Variants in PTPRO observed in about 807,000 individuals in gnomAD.
PTPRO encodes protein tyrosine phosphatase receptor type O, also known as receptor-type tyrosine-protein phosphatase O.
In PTPRO, 62 loss-of-function variants were observed where a neutral mutation model predicts 145.2. The observed-to-expected ratio is 0.43, with a 90% CI of 0.35 to 0.53. The LOEUF (loss-of-function observed/expected upper bound fraction) is 0.53. Among genes scored for constraint, PTPRO ranks in the 20% least tolerant of loss-of-function variants. The probability of loss-of-function intolerance (pLI) is 0.01; values close to 1 mark genes in which losing one functional copy is unlikely to be tolerated. For synonymous variants in PTPRO, 565 were observed against 514.7 expected (o/e 1.10, Z -1.32); for missense variants, 1,345 against 1,482.7 (o/e 0.91, Z 1.53).
chr12:15,425,991 T>A lies in PTPRO; in HGVS notation c.76-57983T>A, dbSNP rs12227426. 7.4e-3 allele frequency among the ~76,000 whole-genome samples: 1,128 copies of A among 151,850 alleles called. 98 individuals carry two copies. In the East Asian group the frequency reaches 0.18, roughly 25 times the overall value. On this transcript the variant is annotated intron_variant, in intron 1 of 26. Coordinates refer to ENST00000281171, the MANE Select transcript of PTPRO (RefSeq NM_030667.3). ...GATTAAATATTGACTTGGGATGCAA[T>A]ATACTTATAAAATTAATTTGAAGAA...
intron 1 of PTPRO, among the ~76,000 whole-genome samples, chr12:15,332,594 T>A (rs181464967): frequency 1.1e-4 from 16 of 152,338 alleles, no homozygotes; most frequent in Admixed American, 9.1e-4. Flanking sequence ...ACCAATCAAC[T>A]TTGTTCAGTA....
At chr12:15,444,231 G>A (rs1291317697) in intron 1 of PTPRO, among the ~76,000 whole-genome samples, 1 of 151,982 alleles carries the variant, frequency 6.6e-6, no homozygotes, top group African/African-American at 2.4e-5. Context: ...ATTAACACAG[G>A]AACAGAAAAC....
chr12:15,388,555 C>A (rs1328643067), intron 1 of PTPRO, among the ~76,000 whole-genome samples: 1 of 152,022 alleles, frequency 6.6e-6, no homozygotes, highest in African/African-American at 2.4e-5. Flanking sequence ...GCAGAATAGA[C>A]CTTTAATTGG....
chr12:15,594,907 T>C, intron 25 of PTPRO, 30 bp from the exon 26 acceptor site: 2 of 1,506,680 alleles, frequency 1.3e-6, no homozygotes, highest in Non-Finnish European at 1.8e-6. Flanking sequence ...ACATGTCTGC[T>C]CTGAAACCTG....
At chr12:15,552,266 C>T (rs1202908878) in intron 15 of PTPRO, among the ~76,000 whole-genome samples, 3 of 152,214 alleles carry the variant, frequency 2.0e-5, no homozygotes, top group South Asian at 2.1e-4. Context: ...CATTGCTCAT[C>T]AGAGCACATT....
At chr12:15,376,770 A>AGGGTTCTTTAAGGGTAT (rs1206397022) in intron 1 of PTPRO, among the ~76,000 whole-genome samples, 1 of 152,136 alleles carries the variant, frequency 6.6e-6, no homozygotes, top group Non-Finnish European at 1.5e-5. Context: ...GTTCTTTTAA[A>AGGGTTCTTTAAGGGTAT]TAAAGGCATT....
At chr12:15,334,474 G>A (rs1404754123) in intron 1 of PTPRO, among the ~76,000 whole-genome samples, 1 of 152,078 alleles carries the variant, frequency 6.6e-6, no homozygotes, top group East Asian at 1.9e-4. Flanking sequence ...ATTTTCAAGT[G>A]ACTAACATAC....
chr12:15,578,036 C>T (rs1944224775), intron 19 of PTPRO, among the ~76,000 whole-genome samples: 1 of 152,196 alleles, frequency 6.6e-6, no homozygotes, highest in South Asian at 2.1e-4. Flanking sequence ...CGCAGGCAGA[C>T]ATTTGGATGT....
intron 1 of PTPRO, among the ~76,000 whole-genome samples, chr12:15,463,414 T>C (rs1286631660): frequency 6.6e-6 from 1 of 152,230 alleles, no homozygotes; most frequent in African/African-American, 2.4e-5. Flanking sequence ...GTTTTATCTA[T>C]GATTTTTTTA....
intron 1 of PTPRO, among the ~76,000 whole-genome samples, chr12:15,430,998 A>G (rs1036477437): frequency 6.6e-6 from 1 of 152,214 alleles, no homozygotes; most frequent in Non-Finnish European, 1.5e-5. Context: ...TAAAAACTGT[A>G]TTCAATATTT....
intron 1 of PTPRO, among the ~76,000 whole-genome samples, chr12:15,478,218 T>A (rs1299743445): frequency 6.6e-6 from 1 of 152,160 alleles, no homozygotes; most frequent in Non-Finnish European, 1.5e-5. Flanking sequence ...AGAATGTCTG[T>A]GATCACCAGC....
chr12:15,330,107 A>G, intron 1 of PTPRO, among the ~76,000 whole-genome samples: 1 of 152,230 alleles, frequency 6.6e-6, no homozygotes, highest in East Asian at 1.9e-4. Context: ...GAAGGGTTTA[A>G]TCAAGGCATT....
chr12:15,475,015 T>C (rs974811693), intron 1 of PTPRO, among the ~76,000 whole-genome samples: 1 of 152,246 alleles, frequency 6.6e-6, no homozygotes, highest in Non-Finnish European at 1.5e-5. Context: ...GGGCCAATGC[T>C]TATTTTCATG....
intron 25 of PTPRO, among the ~76,000 whole-genome samples, chr12:15,591,582 T>C (rs146836427): frequency 5.3e-4 from 81 of 152,318 alleles, no homozygotes; most frequent in African/African-American, 1.9e-3. Flanking sequence ...TGTTTTACCC[T>C]AAATTTTGGT....
intron 1 of PTPRO, among the ~76,000 whole-genome samples, chr12:15,356,756 G>A (rs1938002158): frequency 1.3e-5 from 2 of 152,088 alleles, no homozygotes; most frequent in African/African-American, 2.4e-5. Context: ...GATCATCAAT[G>A]TTTAAATTTT....
chr12:15,374,011 T>C (rs1035387433), intron 1 of PTPRO, among the ~76,000 whole-genome samples: 1 of 152,104 alleles, frequency 6.6e-6, no homozygotes, highest in Non-Finnish European at 1.5e-5. Context: ...CAAAGAACAA[T>C]TGGTTTAAGA....
At chr12:15,475,680 C>G (rs1941637536) in intron 1 of PTPRO, among the ~76,000 whole-genome samples, 1 of 152,004 alleles carries the variant, frequency 6.6e-6, no homozygotes, top group South Asian at 2.1e-4. Context: ...TCCATCAGCT[C>G]TCGGTGAATT....
chr12:15,516,918 TA>T lies in PTPRO; in HGVS notation c.1742del (p.Tyr581LeufsTer3). On this transcript the variant is annotated frameshift_variant, in exon 9 of 27. Transcript: ENST00000281171. LOFTEE classifies it high-confidence loss of function. ...AATGACATCAGAGTGGACCACCTACTATGAAATAGCAGCAACTGTTTCCTTA... is the reference window on the plus strand; with the variant it reads ...AATGACATCAGAGTGGACCACCTACTTGAAATAGCAGCAACTGTTTCCTTA... The part of the protein sequence containing the change: ...ATMTSEWTTY[Y>X]EIAATVSLTA... The T allele has an allele frequency of 6.2e-7, 1 of 1,614,048 alleles. No individual in the cohort carries two copies. The highest frequency in any genetic ancestry group is 8.5e-7 in the Non-Finnish European group (1 of 1,179,866).
intron 15 of PTPRO, 54 bp downstream of exon 15, chr12:15,551,725 G>C: frequency 6.3e-7 from 1 of 1,578,896 alleles, no homozygotes; most frequent in South Asian, 1.1e-5. Context: ...ATCTTTATCT[G>C]CCATATATAT....
Sources: gnomAD v4.1 joint callset for allele counts (sites outside exome capture counted in the v4.1 genomes callset) on GRCh38, gnomAD v4.1.1 for gene constraint, MANE v1.5 for transcripts, NCBI Gene and HGNC (gene_info 2026-07-23, HGNC 2026-07-21) for gene names.